Variants in RYR2 observed in about 807,000 individuals in gnomAD.
The protein encoded by RYR2 is ryanodine receptor 2, also known as cardiac muscle ryanodine receptor-calcium release channel.
RYR2 carries 227 observed loss-of-function variants against 601.1 expected under a neutral mutation model. That is an observed-to-expected ratio of 0.38 (90% CI 0.34 to 0.42). RYR2 has a LOEUF of 0.42. RYR2 is among the 10% of genes least tolerant of loss of function. The pLI is 1.00. For synonymous variants in RYR2, 2,223 were observed against 2,175.1 expected (o/e 1.02, Z -0.61); for missense variants, 4,646 against 6,156.5 (o/e 0.75, Z 8.21).
At chr1:237,111,382 G>A (rs1669445763) in intron 1 of RYR2, among the ~76,000 whole-genome samples, 2 of 152,186 alleles carry the variant, frequency 1.3e-5, no homozygotes, top group African/African-American at 4.8e-5. Flanking sequence ...GAGGTCAGGA[G>A]TTCAAGACCA....
rs1412300643 is a variant in RYR2 at position 237,791,424 on chromosome 1, C to T, written c.13477-5C>T. On this transcript the variant is annotated splice_polypyrimidine_tract_variant and splice_region_variant and intron_variant, in intron 92 of 104. Transcript: ENST00000366574. ...TGACCTTTTCATAATGTTTTTCACCCTCAGAACTATTTTGCTCGCAACTTT... is the reference window on the plus strand; with the variant it reads ...TGACCTTTTCATAATGTTTTTCACCTTCAGAACTATTTTGCTCGCAACTTT... 6.6e-7 allele frequency: 1 copy of T among 1,524,844 alleles called. No homozygotes were observed. The highest frequency in any genetic ancestry group is 1.4e-5 in the African/African-American group (1 of 73,610). 94.5% of individuals were successfully genotyped at this position (1,524,844 alleles called of 1,614,324 possible). A position where few individuals can be genotyped will look rare whatever the true frequency, so the allele number is the denominator to read the frequency against.
At chr1:237,084,307 C>T (rs539156871) in intron 1 of RYR2, among the ~76,000 whole-genome samples, 58 of 152,254 alleles carry the variant, frequency 3.8e-4, no homozygotes, top group African/African-American at 1.3e-3. Context: ...ATTTTCCTGA[C>T]TTCTAATGCT....
rs1158477340 is a variant in RYR2 at position 237,355,980 on chromosome 1, A to G, written c.289A>G (p.Lys97Glu). The stretch of plus-strand genomic sequence containing the variant: ...CTTTCCACAGCAAGTTGATGTGGAA[A>G]AATGGGTATGTGTTTCCATGTATTT... ...EKSEGQVDVEKWKFMMKTAQG... is the reference protein window; with the variant it reads ...EKSEGQVDVEEWKFMMKTAQG... The change falls in exon 4 of 105, where the codon AAA (lysine) becomes GAA (glutamate). Residue 97 changes from lysine to glutamate, a missense_variant. Physicochemically the swap from Lys to Glu is moderately conservative, Grantham distance 56. This residue lies in a region of RYR2 where 153 missense variants were observed against 203.6 expected (regional missense o/e 0.75). Transcript: ENST00000366574. 1 of 1,607,078 alleles carries G rather than the reference A, an allele frequency of 6.2e-7. No individual in the cohort carries two copies. The highest frequency in any genetic ancestry group is 1.1e-5 in the South Asian group (1 of 89,836).
chr1:237,113,978 C>G (rs1187031984), intron 1 of RYR2, among the ~76,000 whole-genome samples: 1 of 152,236 alleles, frequency 6.6e-6, no homozygotes, highest in Non-Finnish European at 1.5e-5. Flanking sequence ...AACATGCACG[C>G]AACTTGCCTT....
rs117151898 is a variant in RYR2 at position 237,123,065 on chromosome 1, G to A, written c.48+80496G>A. 1.8e-4 allele frequency among the ~76,000 whole-genome samples: 28 copies of A among 152,256 alleles called. No homozygotes were observed. In the East Asian group the frequency reaches 4.4e-3, roughly 24 times the overall value. On this transcript the variant is annotated intron_variant, in intron 1 of 104. Transcript: ENST00000366574. ...AAACACTGTCTTGCAATTTGTGTGC[G>A]TGTGTTTTGTATTAAACCATGTGCT...
chr1:237,755,037 C>A lies in RYR2; in HGVS notation c.11146-1251C>A. ...GCTAACTATAGTGTGACAAAAAAAA[C>A]CCTGATCAATTTTGTTTTCGCAGCA... On this transcript the variant is annotated intron_variant, in intron 80 of 104. Transcript: ENST00000366574. 1.2e-5 allele frequency: 15 copies of A among 1,279,150 alleles called. No homozygotes were observed. The Middle Eastern group carries it at 6.5e-4, about 55-fold the overall frequency. 79.2% of individuals were successfully genotyped at this position (1,279,150 alleles called of 1,614,324 possible).
intron 1 of RYR2, among the ~76,000 whole-genome samples, chr1:237,226,150 G>A (rs564015107): frequency 1.6e-4 from 25 of 152,326 alleles, no homozygotes; most frequent in African/African-American, 6.0e-4. Flanking sequence ...TTAGAACAGG[G>A]AACGGAAGGG....
intron 17 of RYR2, among the ~76,000 whole-genome samples, chr1:237,487,525 G>T (rs1194222455): frequency 6.8e-6 from 1 of 146,384 alleles, no homozygotes; most frequent in Non-Finnish European, 1.5e-5. Flanking sequence ...AGACCAGTCT[G>T]GGCAACATAA....
At chr1:237,765,040 G>GT (rs755392202) in intron 84 of RYR2, among the ~76,000 whole-genome samples, 10,104 of 144,104 alleles carry the variant, frequency 0.07, 333 homozygotes, top group Non-Finnish European at 0.081. Context: ...GAGCCTCCCA[G>GT]TTTTTTTTTT....
chr1:237,530,038 G>A (rs12137978), intron 24 of RYR2, among the ~76,000 whole-genome samples: 9,937 of 152,110 alleles, frequency 0.065, 389 homozygotes, highest in Middle Eastern at 0.18. Flanking sequence ...CTGACTGGGC[G>A]CGGTGGCTCA....
intron 1 of RYR2, among the ~76,000 whole-genome samples, chr1:237,082,552 T>TATATATATATATATAC (rs1558200717): frequency 3.0e-5 from 4 of 134,172 alleles, no homozygotes; most frequent in Non-Finnish European, 4.7e-5. Flanking sequence ...TATATATATA[T>TATATATATATATATAC]ATATAAAATC....
chr1:237,240,884 G>T (rs1400278397), intron 1 of RYR2, among the ~76,000 whole-genome samples: 1 of 152,138 alleles, frequency 6.6e-6, no homozygotes, highest in East Asian at 1.9e-4. Flanking sequence ...GTAAAACCAT[G>T]AAAACAGTAA....
intron 98 of RYR2, among the ~76,000 whole-genome samples, chr1:237,803,771 C>T (rs545777811): frequency 6.6e-6 from 1 of 151,916 alleles, no homozygotes; most frequent in South Asian, 2.1e-4. Context: ...ATATGGACTC[C>T]TCCTCTTCTT....
intron 12 of RYR2, among the ~76,000 whole-genome samples, chr1:237,425,281 C>A (rs1237949215): frequency 6.6e-6 from 1 of 151,988 alleles, no homozygotes; most frequent in Non-Finnish European, 1.5e-5. Flanking sequence ...TAAACGCACA[C>A]AACCTTGCAA....
rs1010529848 is a variant in RYR2 at position 237,504,176 on chromosome 1, C to T, written c.2613+671C>T. Among the ~76,000 whole-genome samples the T allele has an allele frequency of 1.1e-4, 16 of 152,196 alleles. No homozygotes were observed. The East Asian group carries it at 1.5e-3, about 15-fold the overall frequency. On this transcript the variant is annotated intron_variant, in intron 22 of 104. Transcript: ENST00000366574. The stretch of plus-strand genomic sequence containing the variant: ...AAGTGCATATTATACTTTTCATGCA[C>T]GTCTGTGTGAAGAGACTACTAAACA...
chr1:237,253,939 G>A (rs910122521), intron 1 of RYR2, among the ~76,000 whole-genome samples: 8 of 152,154 alleles, frequency 5.3e-5, no homozygotes. Flanking sequence ...AGATAAATTG[G>A]AGGCTGAAAT....
At chr1:237,664,373 A>ACATT (rs1400999244) in intron 56 of RYR2, among the ~76,000 whole-genome samples, 4 of 152,214 alleles carry the variant, frequency 2.6e-5, no homozygotes. Flanking sequence ...CAAGGAGCTT[A>ACATT]CATTCTAATG....
intron 91 of RYR2, among the ~76,000 whole-genome samples, chr1:237,787,440 A>C (rs930767820): frequency 2.1e-4 from 32 of 151,850 alleles, no homozygotes; most frequent in African/African-American, 9.7e-5. Flanking sequence ...ATGTAAAAAA[A>C]AGTTAGCTGG....
chr1:237,566,527 C>G, intron 27 of RYR2, 40 bp from the exon 28 acceptor site: 1 of 1,583,258 alleles, frequency 6.3e-7, no homozygotes, highest in South Asian at 1.1e-5. Flanking sequence ...CTTTCACCTC[C>G]CCATCCAATG....
Sources: allele counts gnomAD v4.1 joint callset (sites outside exome capture counted in the v4.1 genomes callset), GRCh38; gene constraint gnomAD v4.1.1; regional missense constraint gnomAD v4.1.1; transcripts MANE v1.5; gene names NCBI Gene and HGNC (gene_info 2026-07-23, HGNC 2026-07-21).